RANBP2: variants seen among roughly 807,000 people sequenced by gnomAD.
The protein encoded by RANBP2 is E3 SUMO-protein ligase RanBP2.
Under a neutral mutation model 303.6 loss-of-function variants are expected in RANBP2, and 57 were observed. That is an observed-to-expected ratio of 0.19 (90% CI 0.15 to 0.23). RANBP2 has a LOEUF of 0.23. Ranked by LOEUF, RANBP2 falls within the 10% of genes least tolerant of loss-of-function variation. The pLI is 1.00. For missense variants in RANBP2, 3,138 were observed against 3,780.8 expected, an observed-to-expected ratio of 0.83 and a Z score of 4.46; for synonymous variants, 1,167 against 1,301.5, an observed-to-expected ratio of 0.90 and a Z score of 2.23.
the RANBP2 span, among the ~76,000 whole-genome samples, chr2:109,044,013 C>G: frequency 2.0e-4 from 31 of 152,036 alleles, no homozygotes; most frequent in African/African-American, 7.5e-4. Context: ...GGGCAGGATC[C>G]CCACACAACA....
At chr2:109,009,688 GC>G in the RANBP2 span, among the ~76,000 whole-genome samples, 38 of 146,152 alleles carry the variant, frequency 2.6e-4, no homozygotes, top group Non-Finnish European at 4.7e-4. Context: ...ACTACGCCTG[GC>G]TGACATTTTT....
chr2:109,024,828 T>C, the RANBP2 span, among the ~76,000 whole-genome samples: 3 of 152,240 alleles, frequency 2.0e-5, no homozygotes, highest in Non-Finnish European at 2.9e-5. Context: ...ATTGATATTC[T>C]TTTTTAACTT....
rs550688543 is a variant in RANBP2, at chr2:108,767,950, G to A, written c.7411G>A (p.Val2471Ile). The A allele has an allele frequency of 5.9e-5, 95 of 1,611,894 alleles. No homozygotes were observed. In the African/African-American group the frequency reaches 1.1e-3, roughly 19 times the overall value. The change falls in exon 20 of 29, where the codon GTA (valine) becomes ATA (isoleucine). Residue 2471 changes from valine (V) to isoleucine (I), a missense_variant. By Grantham distance (29) the Val-to-Ile change is conservative (BLOSUM62 3). This residue lies in a region of RANBP2 where 92 missense variants were observed against 211.0 expected (regional missense o/e 0.44). Transcript: ENST00000283195. ...ACCATGTGGCAAAATTGCTGTAGCT[G>A]TATTAGAAGAAACCACAAGAGAGAG... ...ESPCGKIAVA[V>I]LEETTRERTD... is the part of the protein sequence containing the mutation.
chr2:109,202,627 C>T, the RANBP2 span, among the ~76,000 whole-genome samples: 1 of 152,178 alleles, frequency 6.6e-6, no homozygotes, highest in East Asian at 1.9e-4. Context: ...AGGCGTCAGC[C>T]CGGCCCCAGG....
chr2:108,867,478 C>T, the RANBP2 span, among the ~76,000 whole-genome samples: 5 of 152,114 alleles, frequency 3.3e-5, no homozygotes, highest in Admixed American at 6.5e-5. Flanking sequence ...TTGTTAGTTA[C>T]GAATATGGAT....
At chr2:108,881,349 G>A in the RANBP2 span, among the ~76,000 whole-genome samples, 35 of 152,246 alleles carry the variant, frequency 2.3e-4, no homozygotes, top group Non-Finnish European at 4.7e-4. Context: ...ATTGAAGAGA[G>A]TTAGGGCCTT....
At chr2:109,612,497 T>A in the RANBP2 span, among the ~76,000 whole-genome samples, 1 of 152,234 alleles carries the variant, frequency 6.6e-6, no homozygotes, top group Admixed American at 6.5e-5. Flanking sequence ...CTGTATTATT[T>A]CTTACAACTG....
At chr2:108,854,056 TTA>T in the RANBP2 span, among the ~76,000 whole-genome samples, 17 of 89,242 alleles carry the variant, frequency 1.9e-4, no homozygotes, top group African/African-American at 8.1e-4. Context: ...TAAATTTATA[TTA>T]TATATATTTT....
chr2:108,933,106 G>A, the RANBP2 span, among the ~76,000 whole-genome samples: 1 of 152,206 alleles, frequency 6.6e-6, no homozygotes, highest in African/African-American at 2.4e-5. Context: ...ACCAAGCAGG[G>A]CTGTAACACC....
the RANBP2 span, among the ~76,000 whole-genome samples, chr2:108,977,191 CT>C: frequency 6.6e-6 from 1 of 152,222 alleles, no homozygotes. Flanking sequence ...CCCTGCACCC[CT>C]GACCACCCCA....
the RANBP2 span, among the ~76,000 whole-genome samples, chr2:109,339,592 G>A: frequency 6.6e-6 from 1 of 152,318 alleles, no homozygotes; most frequent in South Asian, 2.1e-4. Context: ...GGGTGCCTGG[G>A]TGGGGCTGCA....
At chr2:109,301,888 G>A in the RANBP2 span, among the ~76,000 whole-genome samples, 2 of 152,320 alleles carry the variant, frequency 1.3e-5, no homozygotes, top group African/African-American at 4.8e-5. Flanking sequence ...TCTCAAGGGT[G>A]TTGGCCTAAG....
the RANBP2 span, among the ~76,000 whole-genome samples, chr2:109,087,645 G>C: frequency 1.3e-5 from 2 of 152,132 alleles, no homozygotes; most frequent in Non-Finnish European, 2.9e-5. Context: ...GAACCTCTCT[G>C]GGCCCCAGCT....
At chr2:109,295,532 G>C in the RANBP2 span, among the ~76,000 whole-genome samples, 1 of 152,248 alleles carries the variant, frequency 6.6e-6, no homozygotes, top group Admixed American at 6.5e-5. Context: ...TTGTGAAGAA[G>C]GGGGCTTCAT....
chr2:109,008,719 A>C, the RANBP2 span, among the ~76,000 whole-genome samples: 3,592 of 148,594 alleles, frequency 0.024, 56 homozygotes, highest in South Asian at 0.08. Flanking sequence ...TGGCTAACAC[A>C]GTGAAACCCC....
the RANBP2 span, among the ~76,000 whole-genome samples, chr2:108,831,040 T>C: frequency 6.6e-6 from 1 of 152,170 alleles, no homozygotes; most frequent in East Asian, 1.9e-4. Flanking sequence ...CCAGGCATGG[T>C]GGTGCATAAC....
the RANBP2 span, among the ~76,000 whole-genome samples, chr2:109,453,576 C>T: frequency 6.6e-6 from 1 of 152,182 alleles, no homozygotes; most frequent in South Asian, 2.1e-4. Flanking sequence ...AACCACCCGA[C>T]CGGCCATCAC....
chr2:108,829,729 A>T, the RANBP2 span, among the ~76,000 whole-genome samples: 1 of 152,172 alleles, frequency 6.6e-6, no homozygotes, highest in African/African-American at 2.4e-5. Flanking sequence ...CTGGGAGACA[A>T]ATTGAGACTG....
the RANBP2 span, among the ~76,000 whole-genome samples, chr2:109,344,673 G>A: frequency 2.3e-4 from 35 of 152,328 alleles, no homozygotes; most frequent in Admixed American, 6.5e-4. Flanking sequence ...GGCAGTGGGA[G>A]TGGGAGGGTG....
Sources: allele counts gnomAD v4.1 joint callset (sites outside exome capture counted in the v4.1 genomes callset), GRCh38; gene constraint gnomAD v4.1.1; regional missense constraint gnomAD v4.1.1; transcripts MANE v1.5; gene names NCBI Gene and HGNC (gene_info 2026-07-23, HGNC 2026-07-21).